Variants in TSPAN4 observed in about 807,000 individuals in gnomAD.
TSPAN4 encodes tetraspanin 4, also known as tetraspanin-4.
In TSPAN4, 38 loss-of-function variants were observed where a neutral mutation model predicts 31.5. The observed-to-expected ratio is 1.21, with a 90% CI of 0.93 to 1.58. TSPAN4 has a LOEUF of 1.58. Among genes scored for constraint, TSPAN4 ranks in the 40% most tolerant of loss-of-function variants. The pLI, the probability that TSPAN4 is intolerant of heterozygous loss-of-function variation, is 0.00. For synonymous variants in TSPAN4, 186 were observed against 144.6 expected (o/e 1.29, Z -2.06); for missense variants, 330 against 317.3 (o/e 1.04, Z -0.30).
chr11:863,035 C>T (rs1197901171), intron 4 of TSPAN4: 28 of 365,864 alleles, frequency 7.7e-5, no homozygotes, highest in Non-Finnish European at 1.1e-4. Context: ...AGGCACAGCC[C>T]CGCACACACG....
In TSPAN4 at chr11:865,599, C is replaced by T. The variant is rs752776029; in HGVS notation, c.417C>T (p.Ser139=). The T allele has an allele frequency of 3.1e-6, 5 of 1,612,810 alleles. No individual in the cohort carries two copies. Among genetic ancestry groups the T allele is most frequent in the Non-Finnish European group, 4.2e-6 (5 of 1,179,896 alleles). ...ACGTGGGCCTCACCAACGCCTGGAG[C>T]ATCATCCAGACCGACGTGAGGCGTG... The part of the protein sequence containing the change: ...QGNVGLTNAW[S]IIQTDFRCCG... The change falls in exon 6 of 9, where the codon AGC becomes AGT. Residue 139 remains serine, a synonymous_variant. Transcript: ENST00000397397.
Position 864,447 on chromosome 11 carries a change from T to C in TSPAN4, c.266T>C (p.Leu89Pro). The change falls in exon 5 of 9, where the codon CTG (leucine) becomes CCG (proline). Residue 89 changes from leucine (L) to proline (P), a missense_variant. Coordinates refer to ENST00000397397, the MANE Select transcript of TSPAN4 (RefSeq NM_003271.5). ...CTGCCCCCTCCACAGTTCTTCCTGC[T>C]GCTGCTGCTGGTGTTCCTGCTGGAG... ...NKCLLLTFFLLLLLVFLLEAT... is the reference protein window; with the variant it reads ...NKCLLLTFFLPLLLVFLLEAT... The C allele has an allele frequency of 1.2e-6, 2 of 1,612,600 alleles. No homozygotes were observed. The highest frequency in any genetic ancestry group is 1.7e-6 in the Non-Finnish European group (2 of 1,179,860).
chr11:850,406 C>T (rs769665406), intron 3 of TSPAN4, 39 bp downstream of exon 3: 21 of 1,565,922 alleles, frequency 1.3e-5, no homozygotes, highest in Admixed American at 1.7e-5. Context: ...GGGAAAGACC[C>T]GGGGTCCCTC....
chr11:854,945 G>A (rs1040202556), intron 3 of TSPAN4, among the ~76,000 whole-genome samples: 1 of 152,238 alleles, frequency 6.6e-6, no homozygotes, highest in Non-Finnish European at 1.5e-5. Flanking sequence ...GAAACAATCC[G>A]TTTCTGAACA....
chr11:864,164 GC>G (rs1565147295), intron 4 of TSPAN4: 2 of 546,944 alleles, frequency 3.7e-6, no homozygotes, highest in Non-Finnish European at 6.6e-6. Context: ...TGTCTGGGTT[GC>G]CCCAGGGATG....
chr11:853,062 G>A (rs901484517), intron 3 of TSPAN4, among the ~76,000 whole-genome samples: 1 of 152,048 alleles, frequency 6.6e-6, no homozygotes, highest in Non-Finnish European at 1.5e-5. Flanking sequence ...GGCTGTGGGT[G>A]TGGGGGCAGG....
At position 861,965 on chromosome 11, in the gene TSPAN4, T is replaced by C. The variant is rs185967508; in HGVS notation, c.64-585T>C. On this transcript the variant is annotated intron_variant, in intron 3 of 8. Coordinates refer to ENST00000397397, the MANE Select transcript of TSPAN4 (RefSeq NM_003271.5). ...AAAGAAATCATAACCAGGAGCAGAG[T>C]GTGAGGGAATCAGCGTTTCTCCTGC... Among the ~76,000 whole-genome samples the C allele has an allele frequency of 2.7e-3, 404 of 151,652 alleles. 2 individuals are homozygous for C. Among genetic ancestry groups the C allele is most frequent in the African/African-American group, 9.3e-3 (386 of 41,312 alleles).
chr11:862,954 G>T (rs556140244), intron 4 of TSPAN4: 1 of 580,172 alleles, frequency 1.7e-6, no homozygotes, highest in East Asian at 3.0e-5. Flanking sequence ...AGCGGTGTGG[G>T]GGTCACTCAA....
intron 4 of TSPAN4, 24 bp from the exon 5 acceptor site, chr11:864,413 T>A (rs759696196): frequency 6.2e-7 from 1 of 1,610,720 alleles, no homozygotes; most frequent in South Asian, 1.1e-5. Flanking sequence ...TTCGGGTCCC[T>A]GTCTGAGCCT....
At chr11:860,228 T>C (rs1271481563) in intron 3 of TSPAN4, among the ~76,000 whole-genome samples, 1 of 152,006 alleles carries the variant, frequency 6.6e-6, no homozygotes, top group African/African-American at 2.4e-5. Flanking sequence ...GCCCCAGCAG[T>C]GGGGGGAATC....
chr11:858,256 C>G (rs1211572927), intron 3 of TSPAN4: 1 of 152,832 alleles, frequency 6.5e-6, no homozygotes, highest in Non-Finnish European at 1.5e-5. Flanking sequence ...TCACAGTCAG[C>G]ACCCTGGACA....
chr11:849,850 C>T (rs1047854292), intron 2 of TSPAN4: 18 of 146,996 alleles, frequency 1.2e-4, no homozygotes, highest in African/African-American at 4.4e-4. Context: ...AGCGCGCGGG[C>T]CGGGCAGATG....
intron 3 of TSPAN4, among the ~76,000 whole-genome samples, chr11:852,204 C>T (rs1193416177): frequency 3.9e-5 from 6 of 152,164 alleles, no homozygotes; most frequent in African/African-American, 4.8e-5. Flanking sequence ...CTCACTGCAA[C>T]CTTCCATCTC....
chr11:866,270 G>T (rs1249232698), intron 8 of TSPAN4, among the ~76,000 whole-genome samples: 6 of 152,228 alleles, frequency 3.9e-5, no homozygotes, highest in Admixed American at 3.3e-4. Context: ...AGTGCACAGA[G>T]GGTGGCAGCT....
intron 8 of TSPAN4, 40 bp downstream of exon 8, chr11:866,041 G>A: frequency 1.2e-6 from 2 of 1,602,988 alleles, no homozygotes; most frequent in South Asian, 1.1e-5. Context: ...CCCCCACTTT[G>A]TTAGGACCTT....
intron 8 of TSPAN4, 64 bp from the exon 9 acceptor site, chr11:866,498 T>C (rs28663055): frequency 1 from 1,515,055 of 1,517,414 alleles, 756,377 homozygotes; most frequent in East Asian, 1. Flanking sequence ...GGACAGGGAC[T>C]GCTCTGGGCT....
At position 864,429 on chromosome 11, in the gene TSPAN4, C is replaced by G; in HGVS notation, c.256-8C>G. ...TCGGGTCCCTGTCTGAGCCTGCCCC[C>G]TCCACAGTTCTTCCTGCTGCTGCTG... On this transcript the variant is annotated splice_region_variant and splice_polypyrimidine_tract_variant and intron_variant, in intron 4 of 8. Transcript: ENST00000397397. 1 of 1,612,088 alleles carries G rather than the reference C, an allele frequency of 6.2e-7. No individual in the cohort carries two copies. Among genetic ancestry groups the G allele is most frequent in the African/African-American group, 1.3e-5 (1 of 75,048 alleles).
chr11:844,005 C>T (rs1590217312), intron 1 of TSPAN4: 2 of 152,542 alleles, frequency 1.3e-5, no homozygotes, highest in East Asian at 3.9e-4. Context: ...TGGCATTTGC[C>T]ATACCCCACC....
rs1429397382 is a variant in TSPAN4 at position 848,936 on chromosome 11, A to ATGTC, written c.-17-1348_-17-1345dup. ...AGGCACATCTGCGCACGGGGCCGGT[A>ATGTC]TGTCTGTACCTGTCAAGGGGTGGGG... On this transcript the variant is annotated intron_variant, in intron 2 of 8. Coordinates refer to ENST00000397397, the MANE Select transcript of TSPAN4 (RefSeq NM_003271.5). This position sits in a 1 kb window ranked among gnomAD's most constrained non-coding sequence, Gnocchi z 5.7. 1.4e-6 allele frequency: 1 copy of ATGTC among 712,724 alleles called. No individual in the cohort carries two copies. The highest frequency in any genetic ancestry group is 1.8e-5 in the African/African-American group (1 of 57,014). The allele number at this position is 712,724 out of a possible 1,614,324, so 44.1% of individuals were successfully genotyped here.
Sources: gnomAD v4.1 joint callset for allele counts (sites outside exome capture counted in the v4.1 genomes callset) on GRCh38, gnomAD v4.1.1 for gene constraint, Gnocchi (gnomAD v3.1) non-coding constraint, MANE v1.5 for transcripts, NCBI Gene and HGNC (gene_info 2026-07-23, HGNC 2026-07-21) for gene names.